DNER: variants seen among roughly 807,000 people sequenced by gnomAD.
DNER encodes delta and Notch-like epidermal growth factor-related receptor.
In DNER, 33 loss-of-function variants were observed where a neutral mutation model predicts 78.2. That is an observed-to-expected ratio of 0.42 (90% CI 0.32 to 0.56). The LOEUF (loss-of-function observed/expected upper bound fraction) is 0.56. Ranked by LOEUF, DNER falls within the 20% of genes least tolerant of loss-of-function variation. The pLI is 0.11. For missense variants in DNER, 918 were observed against 975.3 expected (o/e 0.94, Z 0.78); for synonymous variants, 417 against 384.8 (o/e 1.08, Z -0.98).
At chr2:229,624,492 A>T (rs543122395) in intron 1 of DNER, among the ~76,000 whole-genome samples, 1 of 71,020 alleles carries the variant, frequency 1.4e-5, no homozygotes, top group African/African-American at 3.6e-5. Context: ...ACAATATAAT[A>T]AACTAAAAAA....
intron 9 of DNER, among the ~76,000 whole-genome samples, chr2:229,411,142 C>T (rs2106345943): frequency 6.6e-6 from 1 of 152,268 alleles, no homozygotes; most frequent in African/African-American, 2.4e-5. Flanking sequence ...ACTAGGTGCA[C>T]AAAATAACCA....
chr2:229,426,167 C>T (rs776819567), intron 8 of DNER, among the ~76,000 whole-genome samples: 1 of 152,032 alleles, frequency 6.6e-6, no homozygotes, highest in Non-Finnish European at 1.5e-5. Flanking sequence ...GGGGGCCGGG[C>T]GCGGTGGTTC....
chr2:229,622,859 C>T (rs185993438), intron 1 of DNER, among the ~76,000 whole-genome samples: 1 of 152,252 alleles, frequency 6.6e-6, no homozygotes, highest in African/African-American at 2.4e-5. Flanking sequence ...CAGATTCCTC[C>T]AAAAGGAAAC....
At chr2:229,623,158 G>C (rs62191161) in intron 1 of DNER, among the ~76,000 whole-genome samples, 1 of 151,932 alleles carries the variant, frequency 6.6e-6, no homozygotes, top group Non-Finnish European at 1.5e-5. Flanking sequence ...TCCCTATTGC[G>C]CAATAGTCCC....
At chr2:229,606,727 G>C (rs994911038) in intron 1 of DNER, among the ~76,000 whole-genome samples, 16 of 151,972 alleles carry the variant, frequency 1.1e-4, no homozygotes, top group African/African-American at 2.9e-4. Flanking sequence ...ACCCTGTCTC[G>C]ATTAAAAATG....
chr2:229,412,243 C>CATGA (rs1210759094), intron 9 of DNER, among the ~76,000 whole-genome samples: 1 of 152,216 alleles, frequency 6.6e-6, no homozygotes, highest in Non-Finnish European at 1.5e-5. Context: ...ACGGGTTACA[C>CATGA]AGAGGTCCTC....
intron 4 of DNER, among the ~76,000 whole-genome samples, chr2:229,581,441 G>A (rs530869018): frequency 2.6e-5 from 4 of 152,186 alleles, no homozygotes; most frequent in East Asian, 3.9e-4. Context: ...ACCCCAATGC[G>A]TGGCATCAGG....
intron 1 of DNER, among the ~76,000 whole-genome samples, chr2:229,684,165 AGAGAGTGTGTGTGT>A (rs1297667442): frequency 1.0e-4 from 12 of 117,076 alleles, no homozygotes; most frequent in East Asian, 6.0e-4. Flanking sequence ...AGAGAGAGAG[AGAGAGTGTGTGTGT>A]GTGTGTGTGT....
At chr2:229,412,667 A>C (rs1243099315) in intron 9 of DNER, among the ~76,000 whole-genome samples, 1 of 152,154 alleles carries the variant, frequency 6.6e-6, no homozygotes, top group Non-Finnish European at 1.5e-5. Flanking sequence ...AGGGAGAGAG[A>C]AAGGGGCCTG....
chr2:229,400,559 A>G (rs924090102), intron 10 of DNER, among the ~76,000 whole-genome samples: 1 of 152,098 alleles, frequency 6.6e-6, no homozygotes, highest in African/African-American at 2.4e-5. Context: ...TAGCCACAAA[A>G]CAAAAAATTA....
chr2:229,479,729 AAACAAAAAAC>A (rs1215419506), intron 6 of DNER, among the ~76,000 whole-genome samples: 46 of 116,962 alleles, frequency 3.9e-4, no homozygotes, highest in African/African-American at 1.0e-3. Context: ...AAAAAAAAAA[AAACAAAAAAC>A]CATAAATATA....
chr2:229,559,272 G>T (rs1696911841), intron 4 of DNER, among the ~76,000 whole-genome samples: 1 of 152,020 alleles, frequency 6.6e-6, no homozygotes, highest in East Asian at 1.9e-4. Flanking sequence ...GAATACGGAT[G>T]GTATTAAAAC....
chr2:229,488,578 G>T (rs1275602938), intron 6 of DNER, among the ~76,000 whole-genome samples: 1 of 152,226 alleles, frequency 6.6e-6, no homozygotes, highest in Admixed American at 6.5e-5. Flanking sequence ...GAGGAGCTAA[G>T]TAAAGTTGGT....
At chr2:229,363,163 T>C (rs1048643778) in intron 12 of DNER, among the ~76,000 whole-genome samples, 2 of 152,156 alleles carry the variant, frequency 1.3e-5, no homozygotes, top group Non-Finnish European at 2.9e-5. Context: ...AGATGACTCC[T>C]GGGATGAGGA....
intron 1 of DNER, among the ~76,000 whole-genome samples, chr2:229,638,024 A>T (rs1016115645): frequency 6.6e-6 from 1 of 152,236 alleles, no homozygotes; most frequent in Non-Finnish European, 1.5e-5. Flanking sequence ...TCTGTGTTCT[A>T]TTCAGAGCTA....
At chr2:229,667,154 G>A (rs533296534) in intron 1 of DNER, among the ~76,000 whole-genome samples, 6 of 152,264 alleles carry the variant, frequency 3.9e-5, no homozygotes, top group South Asian at 2.1e-4. Flanking sequence ...CCAAACATCC[G>A]CCTCTGTCCC....
chr2:229,688,539 T>C (rs1699521750), intron 1 of DNER, among the ~76,000 whole-genome samples: 1 of 152,220 alleles, frequency 6.6e-6, no homozygotes, highest in Admixed American at 6.5e-5. Flanking sequence ...TGCCGCTAGA[T>C]AATGGGCTTG....
chr2:229,438,338 T>C (rs1321188200), intron 8 of DNER, among the ~76,000 whole-genome samples: 2 of 151,950 alleles, frequency 1.3e-5, no homozygotes, highest in African/African-American at 4.8e-5. Context: ...GACAGAGGAG[T>C]CTGGAATCTT....
chr2:229,402,959 T>G (rs1319121181), intron 10 of DNER, among the ~76,000 whole-genome samples: 1 of 152,140 alleles, frequency 6.6e-6, no homozygotes, highest in African/African-American at 2.4e-5. Context: ...TTCAGATGAC[T>G]GGAGGAAGCG....
Sources: allele counts gnomAD v4.1 joint callset (sites outside exome capture counted in the v4.1 genomes callset), GRCh38; gene constraint gnomAD v4.1.1; transcripts MANE v1.5; gene names NCBI Gene and HGNC (gene_info 2026-07-23, HGNC 2026-07-21).